The following DSC1 variants were observed in gnomAD, a reference collection of about 807,000 sequenced individuals.
DSC1 encodes desmocollin-1.
In DSC1, 79 loss-of-function variants were observed where a neutral mutation model predicts 98.8. The observed-to-expected ratio is 0.80, with a 90% confidence interval of 0.67 to 0.96. The LOEUF (loss-of-function observed/expected upper bound fraction) is 0.96, where lower values mean the gene tolerates loss of function less well. DSC1 is among the 50% of genes least tolerant of loss of function. DSC1 has a pLI of 0.00. For synonymous variants in DSC1, 405 were observed against 372.1 expected (o/e 1.09, Z -1.02); for missense variants, 1,115 against 1,075.9 (o/e 1.04, Z -0.51).
At chr18:31,133,107 A>G (rs1477922724) in intron 13 of DSC1, among the ~76,000 whole-genome samples, 1 of 152,190 alleles carries the variant, frequency 6.6e-6, no homozygotes, top group Non-Finnish European at 1.5e-5. Context: ...ACATCAACTA[A>G]TAAAGTGCTA....
chr18:31,155,875 A>G (rs1427517220), intron 4 of DSC1, among the ~76,000 whole-genome samples, 168 bp downstream of exon 4: 1 of 152,210 alleles, frequency 6.6e-6, no homozygotes, highest in East Asian at 1.9e-4. Context: ...TAAGAAAGTA[A>G]TAAGATATAC....
chr18:31,132,352 C>A (rs1988512648), intron 14 of DSC1: 12 of 502,570 alleles, frequency 2.4e-5, no homozygotes, highest in Non-Finnish European at 4.1e-5. Context: ...TGAAACAATA[C>A]TTGTCTGTTG....
At chr18:31,132,434 G>C in intron 14 of DSC1, 134 bp downstream of exon 14, 1 of 1,247,906 alleles carries the variant, frequency 8.0e-7, no homozygotes, top group Non-Finnish European at 1.1e-6. Context: ...TTAAAACACT[G>C]AGGGCACTTG....
At chr18:31,138,580 T>C (rs915524547) in intron 11 of DSC1, among the ~76,000 whole-genome samples, 2 of 150,418 alleles carry the variant, frequency 1.3e-5, no homozygotes, top group Non-Finnish European at 3.0e-5. Flanking sequence ...AAAGTAGGGG[T>C]ATAATATCTG....
intron 6 of DSC1, among the ~76,000 whole-genome samples, chr18:31,147,440 G>T (rs138715431): frequency 6.6e-6 from 1 of 152,130 alleles, no homozygotes; most frequent in East Asian, 1.9e-4. Flanking sequence ...GTATCAATTA[G>T]CTGCCTTCTA....
At position 31,133,961 on chromosome 18, in the gene DSC1, G is replaced by A. The variant is rs150246457; in HGVS notation, c.2046C>T (p.Asp682=). The change falls in exon 13 of 16, where the codon GAC becomes GAT. Residue 682 remains aspartate (D), a synonymous_variant. Transcript: ENST00000257198. ...TTCCAAGTATTACATTTGGTCTAAC[G>A]TCTCTTGTACTTTTATCCTTCATTC... ...ECRMKDKSTR[D]VRPNVILGRW... is the part of the protein sequence containing the mutation. 65 of 1,613,198 alleles carry A rather than the reference G, an allele frequency of 4.0e-5. No individual in the cohort carries two copies. The highest frequency in any genetic ancestry group is 2.0e-4 in the African/African-American group (15 of 74,940).
intron 7 of DSC1, among the ~76,000 whole-genome samples, chr18:31,144,906 G>A (rs1988809391): frequency 1.3e-5 from 2 of 150,978 alleles, no homozygotes; most frequent in Admixed American, 1.3e-4. Flanking sequence ...GGGATAGGGA[G>A]TATATGGGAA....
intron 7 of DSC1, 144 bp downstream of exon 7, chr18:31,145,467 G>T: frequency 1.3e-6 from 1 of 768,998 alleles, no homozygotes; most frequent in Non-Finnish European, 2.1e-6. Flanking sequence ...AAGGACCGAG[G>T]ACATCTCCAG....
chr18:31,156,329 A>G (rs1989097657), intron 3 of DSC1, among the ~76,000 whole-genome samples, 167 bp from the exon 4 acceptor site: 1 of 152,182 alleles, frequency 6.6e-6, no homozygotes, highest in African/African-American at 2.4e-5. Flanking sequence ...ACCTCAGACT[A>G]CATTATGTTC....
rs1210115877 is a variant in DSC1 at position 31,134,706 on chromosome 18, A to C, written c.1742T>G (p.Val581Gly). Residue 581 changes from valine to glycine, a missense_variant, in exon 12 of 16, where the codon GTG becomes GGG. Val to Gly is a moderately radical substitution (Grantham distance 109, BLOSUM62 -3). Coordinates refer to ENST00000257198, the MANE Select transcript of DSC1 (RefSeq NM_024421.2). ...ATCCTCATTATTCTGACAAATGGTC[A>C]CTTCTTTGTCAATTTGAGGTGCGTG... The part of the protein sequence containing the change: ...NDHAPQIDKE[V>G]TICQNNEDFA... 6 of 1,613,116 alleles carry C rather than the reference A, an allele frequency of 3.7e-6. No individual in the cohort carries two copies. The highest frequency in any genetic ancestry group is 1.1e-5 in the South Asian group (1 of 91,020).
chr18:31,155,451 G>A (rs937929292), intron 4 of DSC1, among the ~76,000 whole-genome samples: 6 of 151,906 alleles, frequency 3.9e-5, no homozygotes, highest in East Asian at 1.9e-4. Context: ...TCAACATGGC[G>A]AAACCTTGCC....
chr18:31,131,814 G>A lies in DSC1; in HGVS notation c.2267C>T (p.Thr756Ile). The change falls in exon 15 of 16, where the codon ACA becomes ATA. Residue 756 changes from threonine to isoleucine, a missense_variant. Transcript: ENST00000257198. ...CATGCTTGTGTCACAAATGTTGGAT[G>A]TCTGCATGGGGAGTCTAATATTTGC... ...TEANIRLPMQ[T>I]SNICDTSMSV... The A allele has an allele frequency of 1.2e-6, 2 of 1,614,106 alleles. No individual in the cohort carries two copies. The highest frequency in any genetic ancestry group is 1.7e-6 in the Non-Finnish European group (2 of 1,179,972).
intron 8 of DSC1, 96 bp downstream of exon 8, chr18:31,143,561 T>C: frequency 1.1e-6 from 1 of 948,396 alleles, no homozygotes; most frequent in East Asian, 2.9e-5. Flanking sequence ...TAAATCAAAC[T>C]GTCAAACTTT....
At chr18:31,142,331 C>T (rs113925091) in intron 8 of DSC1, 147 bp from the exon 9 acceptor site, 9 of 807,160 alleles carry the variant, frequency 1.1e-5, no homozygotes, top group South Asian at 2.0e-5. Flanking sequence ...AAATTTAATG[C>T]GTAGCTTAGT....
At position 31,148,481 on chromosome 18, in the gene DSC1, A is replaced by G; in HGVS notation, c.772+17T>C. The stretch of plus-strand genomic sequence containing the variant: ...CAAATAGTCTTCTTGTCATGCTACA[A>G]TAAAATGTGAACTTACCGGATCGGC... On this transcript the variant is annotated intron_variant, in intron 6 of 15. Transcript: ENST00000257198. The G allele has an allele frequency of 6.4e-7, 1 of 1,574,678 alleles. No homozygotes were observed. Among genetic ancestry groups the G allele is most frequent in the Non-Finnish European group, 8.7e-7 (1 of 1,151,910 alleles).
chr18:31,135,137 C>G (rs1988582939), intron 11 of DSC1, among the ~76,000 whole-genome samples: 1 of 152,114 alleles, frequency 6.6e-6, no homozygotes, highest in African/African-American at 2.4e-5. Context: ...ATTTGGTTGT[C>G]AGTCACTTTC....
chr18:31,162,461 C>CA, intron 1 of DSC1, 71 bp downstream of exon 1: 1 of 1,490,272 alleles, frequency 6.7e-7, no homozygotes, highest in South Asian at 1.1e-5. Flanking sequence ...TAGTCTCTTT[C>CA]AAGCCCAAAC....
At chr18:31,156,312 C>A in intron 3 of DSC1, 150 bp from the exon 4 acceptor site, 2 of 890,380 alleles carry the variant, frequency 2.2e-6, no homozygotes, top group Non-Finnish European at 3.4e-6. Context: ...ATAAAACACA[C>A]ACACACACCT....
chr18:31,145,862 C>T, intron 6 of DSC1, 85 bp from the exon 7 acceptor site: 1 of 1,406,224 alleles, frequency 7.1e-7, no homozygotes, highest in South Asian at 1.4e-5. Context: ...ATTGCTGTAG[C>T]AAATTCTCCC....
Sources: allele counts gnomAD v4.1 joint callset (sites outside exome capture counted in the v4.1 genomes callset), GRCh38; gene constraint gnomAD v4.1.1; transcripts MANE v1.5; gene names NCBI Gene and HGNC (gene_info 2026-07-23, HGNC 2026-07-21).